UNC5C: variants seen among roughly 807,000 people sequenced by gnomAD.
UNC5C encodes netrin receptor UNC5C.
A neutral mutation model predicts 99.8 loss-of-function variants in UNC5C; 47 were observed. The ratio of observed to expected loss-of-function variants is 0.47; its 90% CI spans 0.37 to 0.60. The LOEUF is 0.60. UNC5C is among the 20% of genes least tolerant of loss of function. UNC5C has a pLI of 0.00. For missense variants in UNC5C, 1,062 were observed against 1,165.9 expected (o/e 0.91, Z 1.30); for synonymous variants, 487 against 452.2 (o/e 1.08, Z -0.98).
chr4:95,358,259 G>A (rs559623032), intron 1 of UNC5C, among the ~76,000 whole-genome samples: 1 of 152,206 alleles, frequency 6.6e-6, no homozygotes, highest in East Asian at 1.9e-4. Flanking sequence ...ATCCATGTGT[G>A]TCCTTTTTTA....
intron 14 of UNC5C, among the ~76,000 whole-genome samples, chr4:95,176,663 T>C (rs1236254300): frequency 1.3e-5 from 2 of 152,226 alleles, no homozygotes; most frequent in Admixed American, 6.5e-5. Context: ...GACAGGGACA[T>C]TTAAGTCTGC....
chr4:95,301,786 G>A (rs982451582), intron 2 of UNC5C, 37 bp from the exon 3 acceptor site: 2 of 1,599,990 alleles, frequency 1.3e-6, no homozygotes, highest in African/African-American at 1.3e-5. Flanking sequence ...GTCAACACAA[G>A]ATTCATACTA....
chr4:95,350,715 GA>G lies in UNC5C; in HGVS notation c.125-15085del, dbSNP rs60696947. On this transcript the variant is annotated intron_variant, in intron 1 of 15. Coordinates refer to ENST00000453304, the MANE Select transcript of UNC5C (RefSeq NM_003728.4). ...TTATAATATAGAATAATCTAATAAA[GA>G]TTGAAAATTCATTATTACAATGTAT... Among the ~76,000 whole-genome samples, 414 of 152,208 alleles carry G rather than the reference GA, an allele frequency of 2.7e-3. 1 individual carries two copies. The highest frequency in any genetic ancestry group is 7.4e-3 in the Admixed American group (113 of 15,280).
chr4:95,170,205 TG>T lies in UNC5C; in HGVS notation c.2578del (p.Gln860ArgfsTer14). On this transcript the variant is annotated frameshift_variant, in exon 15 of 16. Transcript: ENST00000453304. LOFTEE classifies it high-confidence loss of function. ...QKLCSSLDAPQTRGHDWRMLA... is the reference protein window; with the variant it reads ...QKLCSSLDAPXTRGHDWRMLA... ...CATCCTCCAGTCATGGCCTCTCGTC[TG>T]GGGGGCATCCAGGCTGCTACAGAGC... 6.2e-7 allele frequency: 1 copy of T among 1,614,114 alleles called. No homozygotes were observed. The highest frequency in any genetic ancestry group is 8.5e-7 in the Non-Finnish European group (1 of 1,180,018).
chr4:95,451,789 A>C (rs1414229047), intron 1 of UNC5C, among the ~76,000 whole-genome samples: 3 of 152,196 alleles, frequency 2.0e-5, no homozygotes, highest in Admixed American at 1.3e-4. Context: ...AATAATAAAC[A>C]TTATAACAAA....
At chr4:95,267,416 C>T (rs760468022) in intron 4 of UNC5C, among the ~76,000 whole-genome samples, 8 of 152,090 alleles carry the variant, frequency 5.3e-5, no homozygotes, top group Non-Finnish European at 1.2e-4. Context: ...ATCTGACATT[C>T]AAGTCTTATT....
intron 10 of UNC5C, among the ~76,000 whole-genome samples, chr4:95,214,016 C>G (rs1353333614): frequency 6.6e-6 from 1 of 152,182 alleles, no homozygotes; most frequent in African/African-American, 2.4e-5. Context: ...AACCCAATTC[C>G]CCTGTGCCTC....
intron 1 of UNC5C, among the ~76,000 whole-genome samples, chr4:95,360,415 G>C (rs181892027): frequency 1.3e-5 from 2 of 152,150 alleles, no homozygotes; most frequent in Non-Finnish European, 2.9e-5. Flanking sequence ...TAACCAGTTG[G>C]AGAATTGTTA....
chr4:95,520,313 T>C (rs1418490433), intron 1 of UNC5C, among the ~76,000 whole-genome samples: 2 of 152,184 alleles, frequency 1.3e-5, no homozygotes, highest in Non-Finnish European at 2.9e-5. Flanking sequence ...GATTCAAATA[T>C]AAGTCAAGAG....
chr4:95,424,325 T>C (rs892906222), intron 1 of UNC5C, among the ~76,000 whole-genome samples: 2 of 151,082 alleles, frequency 1.3e-5, no homozygotes, highest in Non-Finnish European at 2.9e-5. Context: ...AATTACCATA[T>C]ATACGTGTCT....
chr4:95,301,891 C>A, intron 2 of UNC5C, 142 bp from the exon 3 acceptor site: 1 of 1,113,016 alleles, frequency 9.0e-7, no homozygotes, highest in Non-Finnish European at 1.2e-6. Context: ...TCTCTTTTGA[C>A]TTTCTTCTCG....
intron 1 of UNC5C, among the ~76,000 whole-genome samples, chr4:95,541,639 ATATTATTATATACTC>A (rs1358520329): frequency 8.6e-5 from 13 of 152,000 alleles, no homozygotes; most frequent in African/African-American, 3.1e-4. Flanking sequence ...TTTATATTTT[ATATTATTATATACTC>A]TAAGTTTTTT....
At chr4:95,170,408 A>C in intron 14 of UNC5C, 76 bp from the exon 15 acceptor site, 4 of 1,486,456 alleles carry the variant, frequency 2.7e-6, no homozygotes, top group Non-Finnish European at 3.7e-6. Context: ...AATCAACATA[A>C]TGCCTTGCTT....
intron 8 of UNC5C, 55 bp from the exon 9 acceptor site, chr4:95,219,368 C>CATT: frequency 6.5e-7 from 1 of 1,537,300 alleles, no homozygotes; most frequent in East Asian, 2.3e-5. Context: ...GGCCAACCTA[C>CATT]ATTAGTCAGA....
intron 4 of UNC5C, among the ~76,000 whole-genome samples, chr4:95,266,527 G>A (rs1024365714): frequency 6.6e-6 from 1 of 152,212 alleles, no homozygotes; most frequent in Non-Finnish European, 1.5e-5. Flanking sequence ...TGTGTGCAGT[G>A]TGATTTAAGG....
At chr4:95,219,530 CTTTGA>C (rs1427895505) in intron 8 of UNC5C, among the ~76,000 whole-genome samples, 2 of 152,138 alleles carry the variant, frequency 1.3e-5, no homozygotes, top group African/African-American at 2.4e-5. Context: ...CTATAATTTG[CTTTGA>C]TGTCTACTCA....
intron 1 of UNC5C, among the ~76,000 whole-genome samples, chr4:95,338,368 C>T (rs1056115459): frequency 1.3e-5 from 2 of 151,990 alleles, no homozygotes; most frequent in African/African-American, 4.8e-5. Flanking sequence ...GAAAATGAAA[C>T]AAGCAAGCCA....
At chr4:95,170,671 A>G (rs2149343564) in intron 14 of UNC5C, among the ~76,000 whole-genome samples, 2 of 152,294 alleles carry the variant, frequency 1.3e-5, no homozygotes, top group South Asian at 4.1e-4. Flanking sequence ...GGAATATCAG[A>G]GCTCCTAAAG....
intron 7 of UNC5C, chr4:95,222,240 G>A: frequency 6.7e-7 from 1 of 1,497,580 alleles, no homozygotes; most frequent in Non-Finnish European, 8.8e-7. Context: ...TGGGTTCTCT[G>A]TTCAGTTGAA....
Sources: allele counts gnomAD v4.1 joint callset (sites outside exome capture counted in the v4.1 genomes callset), GRCh38; gene constraint gnomAD v4.1.1; transcripts MANE v1.5; gene names NCBI Gene and HGNC (gene_info 2026-07-23, HGNC 2026-07-21).